Variants in RBFOX3 observed in about 807,000 individuals in gnomAD.
RBFOX3 encodes RNA binding protein fox-1 homolog 3.
In RBFOX3, 17 loss-of-function variants were observed where a neutral mutation model predicts 48.7. That is an observed-to-expected ratio of 0.35 (90% CI 0.24 to 0.52). The LOEUF (loss-of-function observed/expected upper bound fraction) is 0.52. Ranked by LOEUF, RBFOX3 falls within the 20% of genes least tolerant of loss-of-function variation. The pLI is 0.94. For missense variants in RBFOX3, 382 were observed against 497.5 expected, an observed-to-expected ratio of 0.77 and a Z score of 2.21; for synonymous variants, 212 against 209.5, an observed-to-expected ratio of 1.01 and a Z score of -0.10.
chr17:79,620,225 GCACACACGCACATGCA>G, the RBFOX3 span, among the ~76,000 whole-genome samples: 2 of 141,172 alleles, frequency 1.4e-5, no homozygotes, highest in East Asian at 4.5e-4. Flanking sequence ...ACAGGGACAT[GCACACACGCACATGCA>G]CACATACGCA....
intron 1 of RBFOX3, among the ~76,000 whole-genome samples, chr17:79,521,023 G>A (rs2149989283): frequency 6.6e-6 from 1 of 152,352 alleles, no homozygotes; most frequent in South Asian, 2.1e-4. Context: ...AGCCAGCTTG[G>A]CTCTGCTGCC....
chr17:79,164,191 G>T (rs74001603), intron 4 of RBFOX3, among the ~76,000 whole-genome samples: 20,732 of 152,216 alleles, frequency 0.14, 2,278 homozygotes, highest in African/African-American at 0.29. Flanking sequence ...GGTGGGCATG[G>T]CTGCACCCCA....
chr17:79,451,934 G>A (rs150919845), intron 2 of RBFOX3, among the ~76,000 whole-genome samples: 169 of 152,284 alleles, frequency 1.1e-3, no homozygotes, highest in Non-Finnish European at 1.8e-3. Context: ...CTGCCACCCA[G>A]TACTGGCACC....
chr17:79,561,917 A>C (rs1185178537), intron 1 of RBFOX3, among the ~76,000 whole-genome samples: 2 of 152,154 alleles, frequency 1.3e-5, no homozygotes, highest in Admixed American at 1.3e-4. Context: ...CTTCCCATGC[A>C]TGGTGCTATG....
intron 3 of RBFOX3, among the ~76,000 whole-genome samples, chr17:79,287,612 A>G (rs1050180361): frequency 6.6e-6 from 1 of 152,164 alleles, no homozygotes; most frequent in Non-Finnish European, 1.5e-5. Context: ...CAGCTGGGCC[A>G]GGCCAGGGCA....
At chr17:79,143,238 C>A (rs1408510718) in intron 4 of RBFOX3, among the ~76,000 whole-genome samples, 1 of 152,128 alleles carries the variant, frequency 6.6e-6, no homozygotes, top group African/African-American at 2.4e-5. Flanking sequence ...TGCCAGCTCG[C>A]CCGAGTCCAC....
intron 2 of RBFOX3, among the ~76,000 whole-genome samples, chr17:79,453,165 G>A (rs199553533): frequency 7.2e-5 from 11 of 152,262 alleles, no homozygotes; most frequent in Non-Finnish European, 1.3e-4. Flanking sequence ...TAATAGCCGT[G>A]TCATTCTACA....
intron 1 of RBFOX3, among the ~76,000 whole-genome samples, chr17:79,487,085 G>A (rs979818186): frequency 1.3e-5 from 2 of 152,244 alleles, no homozygotes; most frequent in African/African-American, 4.8e-5. Context: ...GAGAGACCGA[G>A]GGAGGGAAGA....
In RBFOX3 at chr17:79,242,850, G is replaced by A. The variant is rs2062590650; in HGVS notation, c.-73-7045C>T. Among the ~76,000 whole-genome samples, 1 of 152,170 alleles carries A rather than the reference G, an allele frequency of 6.6e-6. No individual in the cohort carries two copies. Among genetic ancestry groups the A allele is most frequent in the Non-Finnish European group, 1.5e-5 (1 of 68,016 alleles). On this transcript the variant is annotated intron_variant, in intron 3 of 14. Coordinates refer to ENST00000693108, the MANE Select transcript of RBFOX3 (RefSeq NM_001350451.2). This position sits in a 1 kb window ranked among gnomAD's most constrained non-coding sequence, Gnocchi z 5.8. ...CCTCCTCTCCCAGGAAGCCCGGGCA[G>A]GGCTCCACAGCAACCTGCCTGGAGT...
At chr17:79,654,203 G>A in the RBFOX3 span, among the ~76,000 whole-genome samples, 7 of 152,286 alleles carry the variant, frequency 4.6e-5, no homozygotes, top group South Asian at 1.2e-3. Flanking sequence ...TCGAGCACCG[G>A]AGAGGCTGTG....
chr17:79,652,599 G>A, the RBFOX3 span, among the ~76,000 whole-genome samples: 267 of 4,966 alleles, frequency 0.054, no homozygotes, highest in Middle Eastern at 0.12. Context: ...GAGGAGAGGA[G>A]AGGAAAGGAA....
chr17:79,495,103 C>T (rs1415438646), intron 1 of RBFOX3, among the ~76,000 whole-genome samples: 1 of 151,930 alleles, frequency 6.6e-6, no homozygotes, highest in Non-Finnish European at 1.5e-5. Flanking sequence ...CGTTAAGGGT[C>T]GAAGCCCCCT....
chr17:79,275,222 C>G (rs2068566274), intron 3 of RBFOX3, among the ~76,000 whole-genome samples: 1 of 147,784 alleles, frequency 6.8e-6, no homozygotes, highest in South Asian at 2.2e-4. Context: ...TCCTCCCCTT[C>G]TCACTAAAAT....
intron 4 of RBFOX3, among the ~76,000 whole-genome samples, chr17:79,149,766 G>A (rs2043907954): frequency 6.6e-6 from 1 of 151,518 alleles, no homozygotes; most frequent in Non-Finnish European, 1.5e-5. Flanking sequence ...GGTCCTGGGA[G>A]GACAGGGCAG....
chr17:79,625,959 C>T, the RBFOX3 span, among the ~76,000 whole-genome samples: 3 of 152,044 alleles, frequency 2.0e-5, no homozygotes, highest in East Asian at 1.9e-4. Flanking sequence ...TTTGGGGGGA[C>T]GAGGTGCTGT....
chr17:79,094,366 G>A (rs1463252614), intron 14 of RBFOX3, 85 bp downstream of exon 14: 14 of 973,834 alleles, frequency 1.4e-5, no homozygotes, highest in Non-Finnish European at 2.0e-5. Context: ...TGGTCAGAGG[G>A]CTCGGCCTCT....
chr17:79,381,487 C>T lies in RBFOX3; in HGVS notation c.-174-73663G>A, dbSNP rs571772812. 9.2e-5 allele frequency among the ~76,000 whole-genome samples: 14 copies of T among 152,280 alleles called. No individual in the cohort carries two copies. The South Asian group carries it at 2.7e-3, about 29-fold the overall frequency. On this transcript the variant is annotated intron_variant, in intron 2 of 14. Transcript: ENST00000693108. ...GAGTGCTGAGGAGCTCCCCGGGGCT[C>T]GGGGCTGCCGTGTCAGACAGCGCAT...
intron 3 of RBFOX3, among the ~76,000 whole-genome samples, chr17:79,291,340 G>T (rs2073224247): frequency 6.6e-6 from 1 of 152,184 alleles, no homozygotes; most frequent in Non-Finnish European, 1.5e-5. Flanking sequence ...TTGGATTCTG[G>T]GGTAGCTCCA....
At chr17:79,184,055 G>A (rs2052856979) in intron 4 of RBFOX3, among the ~76,000 whole-genome samples, 2 of 152,246 alleles carry the variant, frequency 1.3e-5, no homozygotes, top group Admixed American at 1.3e-4. Flanking sequence ...GTCCTGTTTC[G>A]CGTTCAGAGA....
Sources: gnomAD v4.1 joint callset for allele counts (sites outside exome capture counted in the v4.1 genomes callset) on GRCh38, gnomAD v4.1.1 for gene constraint, Gnocchi (gnomAD v3.1) non-coding constraint, MANE v1.5 for transcripts, NCBI Gene and HGNC (gene_info 2026-07-23, HGNC 2026-07-21) for gene names.